SPATA6L: variants seen among roughly 807,000 people sequenced by gnomAD.
SPATA6L encodes the protein spermatogenesis associated 6-like protein.
A neutral mutation model predicts 49.2 loss-of-function variants in SPATA6L; 68 were observed. That is an observed-to-expected ratio of 1.38 (90% CI 1.14 to 1.69). The LOEUF (loss-of-function observed/expected upper bound fraction) is 1.69. Ranked by LOEUF, SPATA6L falls within the 40% of genes most tolerant of loss-of-function variation. The pLI, the probability that SPATA6L is intolerant of heterozygous loss-of-function variation, is 0.00. For synonymous variants in SPATA6L, 198 were observed against 165.7 expected (o/e 1.19, Z -1.50); for missense variants, 668 against 464.3 (o/e 1.44, Z -4.03).
At chr9:4,659,937 C>T (rs2130785794) in intron 2 of SPATA6L, among the ~76,000 whole-genome samples, 1 of 152,150 alleles carries the variant, frequency 6.6e-6, no homozygotes, top group East Asian at 1.9e-4. Flanking sequence ...GGAAAGGATT[C>T]CCTATTTAAT....
At chr9:4,623,992 GCT>G (rs1399486252) in intron 6 of SPATA6L, among the ~76,000 whole-genome samples, 1 of 152,204 alleles carries the variant, frequency 6.6e-6, no homozygotes, top group Non-Finnish European at 1.5e-5. Context: ...TAGCCAAACA[GCT>G]CTGTTTTACC....
At chr9:4,645,610 A>G (rs1199100983) in intron 3 of SPATA6L, among the ~76,000 whole-genome samples, 1 of 152,224 alleles carries the variant, frequency 6.6e-6, no homozygotes, top group African/African-American at 2.4e-5. Flanking sequence ...ACCCATTCAC[A>G]ATGGTAGAGC....
At chr9:4,629,769 G>GTGTGTGTGTATATATATATATATATATA (rs1311805859) in intron 4 of SPATA6L, among the ~76,000 whole-genome samples, 2 of 101,936 alleles carry the variant, frequency 2.0e-5, no homozygotes, top group Non-Finnish European at 3.6e-5. Context: ...GTGTGTGTGT[G>GTGTGTGTGTATATATATATATATATATA]TATATATATA....
chr9:4,666,102 A>G, intron 1 of SPATA6L, 110 bp downstream of exon 1: 1 of 952,340 alleles, frequency 1.1e-6, no homozygotes, highest in Non-Finnish European at 1.7e-6. Flanking sequence ...CCAGAAGATA[A>G]TGATGTGTTT....
chr9:4,599,089 C>A lies in SPATA6L; in HGVS notation c.*1722G>T, dbSNP rs1822640411. On this transcript the variant is annotated 3_prime_UTR_variant, in exon 12 of 12. Coordinates refer to ENST00000682582, the MANE Select transcript of SPATA6L (RefSeq NM_001353486.2). ...GAAATTCATTTACGTTTTATATACA[C>A]TTTATACAGGTAGCCTGAAGGTAAT... is the stretch of plus-strand genomic sequence containing the variant. Among the ~76,000 whole-genome samples, 1 of 152,208 alleles carries A rather than the reference C, an allele frequency of 6.6e-6. No homozygotes were observed. The highest frequency in any genetic ancestry group is 1.5e-5 in the Non-Finnish European group (1 of 68,038).
intron 10 of SPATA6L, among the ~76,000 whole-genome samples, chr9:4,604,803 G>A (rs550751270): frequency 1.3e-5 from 2 of 152,266 alleles, no homozygotes; most frequent in East Asian, 3.9e-4. Context: ...TTGAGCAGGT[G>A]AACTGCCACT....
chr9:4,656,043 T>C lies in SPATA6L; in HGVS notation c.224A>G (p.Glu75Gly). 1 of 1,611,846 alleles carries C rather than the reference T, an allele frequency of 6.2e-7. No homozygotes were observed. The highest frequency in any genetic ancestry group is 8.5e-7 in the Non-Finnish European group (1 of 1,178,778). Residue 75 changes from glutamate to glycine, a missense_variant and splice_region_variant, in exon 3 of 12, where the codon GAA becomes GGA. Physicochemically the swap from Glu to Gly is moderately conservative, Grantham distance 98. Transcript: ENST00000682582. ...VDPGAVVDLLEMWDELAYYEE... is the reference protein window; with the variant it reads ...VDPGAVVDLLGMWDELAYYEE... ...GTTTTGTTTTTCAGAGTACCTACTT[T>C]CCAAAAGGTCTACTACAGCTCCAGG... is the stretch of plus-strand genomic sequence containing the variant.
At chr9:4,646,535 A>T in intron 3 of SPATA6L, 1 of 1,495,398 alleles carries the variant, frequency 6.7e-7, no homozygotes, top group East Asian at 2.6e-5. Context: ...AAGCCTAAAA[A>T]GGAAAAAATG....
chr9:4,615,143 T>C (rs1827671514), intron 9 of SPATA6L, among the ~76,000 whole-genome samples: 1 of 152,302 alleles, frequency 6.6e-6, no homozygotes, highest in African/African-American at 2.4e-5. Flanking sequence ...CAAGGCCACA[T>C]GAAAGCATCA....
chr9:4,629,167 C>A lies in SPATA6L; in HGVS notation c.353G>T (p.Gly118Val). 1 of 1,558,498 alleles carries A rather than the reference C, an allele frequency of 6.4e-7. No homozygotes were observed. The highest frequency in any genetic ancestry group is 8.6e-7 in the Non-Finnish European group (1 of 1,158,576). Residue 118 changes from glycine to valine, a missense_variant and splice_region_variant, in exon 5 of 12, where the codon GGC becomes GTC. Physicochemically the swap from Gly to Val is moderately radical, Grantham distance 109 (BLOSUM62 -3). Coordinates refer to ENST00000682582, the MANE Select transcript of SPATA6L (RefSeq NM_001353486.2). ...VLMKTALGFP[G>V]IAPKIEFSTR... ...AGAAAACTCTATTTTGGGAGCAATGCCCTATAAAACAGCATAAAAAAAGCA... is the reference window on the plus strand; with the variant it reads ...AGAAAACTCTATTTTGGGAGCAATGACCTATAAAACAGCATAAAAAAAGCA...
At chr9:4,627,487 C>T in intron 5 of SPATA6L, 1 of 296,066 alleles carries the variant, frequency 3.4e-6, no homozygotes. Context: ...TTTTCTAGGA[C>T]CCTACATGAG....
chr9:4,652,266 C>T (rs1837078855), intron 3 of SPATA6L, among the ~76,000 whole-genome samples: 1 of 151,822 alleles, frequency 6.6e-6, no homozygotes, highest in African/African-American at 2.4e-5. Context: ...ACTAAAAATA[C>T]AAAAAATTAG....
chr9:4,638,362 G>A (rs553984062), intron 3 of SPATA6L, among the ~76,000 whole-genome samples: 35 of 151,986 alleles, frequency 2.3e-4, no homozygotes, highest in Non-Finnish European at 4.6e-4. Flanking sequence ...GAGGCACCCC[G>A]CCACCAAGCC....
intron 13 of SPATA6L, among the ~76,000 whole-genome samples, chr9:4,589,394 T>A (rs1821761198): frequency 6.6e-6 from 1 of 152,202 alleles, no homozygotes; most frequent in South Asian, 2.1e-4. Flanking sequence ...GTGTCCCTGA[T>A]GTGATGAAGG....
intron 3 of SPATA6L, among the ~76,000 whole-genome samples, chr9:4,644,085 G>A (rs1467797561): frequency 6.7e-6 from 1 of 148,702 alleles, no homozygotes; most frequent in Non-Finnish European, 1.5e-5. Context: ...GGTGGCTCAT[G>A]CCTATAAACC....
chr9:4,662,441 C>T lies in SPATA6L; in HGVS notation c.40-405G>A. On this transcript the variant is annotated intron_variant, in intron 1 of 11. Transcript: ENST00000682582. The surrounding 1 kb of genome is among the most constrained non-coding windows in gnomAD (Gnocchi z 4.9). ...GCGTCTCCGCTTCGAGCAGCAGCAG[C>T]AGCCCCGGCAGCCCAGCCCATGGCG... 6.5e-7 allele frequency: 1 copy of T among 1,543,846 alleles called. No homozygotes were observed. Among genetic ancestry groups the T allele is most frequent in the South Asian group, 1.2e-5 (1 of 84,596 alleles).
At chr9:4,636,606 A>G (rs1008210446) in intron 3 of SPATA6L, among the ~76,000 whole-genome samples, 40 of 152,212 alleles carry the variant, frequency 2.6e-4, no homozygotes, top group African/African-American at 9.4e-4. Flanking sequence ...TTTGCTATTT[A>G]GTGGCTGCCA....
chr9:4,615,998 G>C (rs1287696687), intron 9 of SPATA6L, among the ~76,000 whole-genome samples: 1 of 152,196 alleles, frequency 6.6e-6, no homozygotes, highest in Non-Finnish European at 1.5e-5. Context: ...AAAGGTTGAA[G>C]CCAGGCACGG....
At chr9:4,652,862 A>G (rs1256629234) in intron 3 of SPATA6L, among the ~76,000 whole-genome samples, 1 of 151,418 alleles carries the variant, frequency 6.6e-6, no homozygotes, top group Non-Finnish European at 1.5e-5. Context: ...AAAAAAAAGG[A>G]AAAAGAAATG....
Sources: allele counts gnomAD v4.1 joint callset (sites outside exome capture counted in the v4.1 genomes callset), GRCh38; gene constraint gnomAD v4.1.1; non-coding constraint Gnocchi (gnomAD v3.1); transcripts MANE v1.5; gene names NCBI Gene and HGNC (gene_info 2026-07-23, HGNC 2026-07-21).